The following BCL11A variants were observed in gnomAD, a reference collection of about 807,000 sequenced individuals.
The protein encoded by BCL11A is B cell CLL/lymphoma 11A.
Under a neutral mutation model 55.9 loss-of-function variants are expected in BCL11A, and 2 were observed. The ratio of observed to expected loss-of-function variants is 0.04; its 90% CI spans 0.01 to 0.11. BCL11A has a LOEUF of 0.11. Ranked by LOEUF, BCL11A falls within the 10% of genes least tolerant of loss-of-function variation. BCL11A has a pLI of 1.00. For missense variants in BCL11A, 817 were observed against 1,137.1 expected (o/e 0.72, Z 4.05); for synonymous variants, 465 against 473.4 (o/e 0.98, Z 0.23).
At chr2:60,545,434 C>T (rs45613535) in intron 2 of BCL11A, 84 of 157,254 alleles carry the variant, frequency 5.3e-4, no homozygotes, top group Admixed American at 1.9e-3. Flanking sequence ...GGATCCAAGG[C>T]TAGCCCTGAA....
Position 60,457,328 on chromosome 2 carries a change from A to G in BCL11A, c.*3076T>C. The G allele has an allele frequency of 9.8e-7, 1 of 1,022,904 alleles. No homozygotes were observed. The highest frequency in any genetic ancestry group is 1.2e-6 in the Non-Finnish European group (1 of 851,400). The allele number at this position is 1,022,904 out of a possible 1,614,324, so 63.4% of individuals were successfully genotyped here. A position where few individuals can be genotyped will look rare whatever the true frequency, so the allele number is the denominator to read the frequency against. On this transcript the variant is annotated 3_prime_UTR_variant, in exon 4 of 4. Transcript: ENST00000642384. ...TTAACAAAGACCAGAAACAAATACA[A>G]TAAAAAGCCAGGTTGTAATGACCTT...
downstream of BCL11A, among the ~76,000 whole-genome samples, chr2:60,453,460 G>T (rs1481409336): frequency 2.0e-5 from 3 of 152,198 alleles, no homozygotes; most frequent in African/African-American, 7.2e-5. Flanking sequence ...GGGGCCTGGG[G>T]CCTCCTCTCC....
At chr2:60,520,368 A>C (rs1186676732) in intron 2 of BCL11A, among the ~76,000 whole-genome samples, 2 of 152,212 alleles carry the variant, frequency 1.3e-5, no homozygotes, top group Non-Finnish European at 2.9e-5. Context: ...TTGGATATGT[A>C]AACTGAATTA....
In BCL11A at chr2:60,459,355, T is replaced by C. The variant is rs1418052837; in HGVS notation, c.*1049A>G. ...TGTATTTAATTGCGTTCCAGGGCTT[T>C]TGCACATTACACATTCAATTTAATC... is the stretch of plus-strand genomic sequence containing the variant. On this transcript the variant is annotated 3_prime_UTR_variant, in exon 4 of 4. Coordinates refer to ENST00000642384, the MANE Select transcript of BCL11A (RefSeq NM_022893.4). The C allele has an allele frequency of 2.0e-6, 2 of 1,019,526 alleles. No individual in the cohort carries two copies. The highest frequency in any genetic ancestry group is 3.4e-5 in the African/African-American group (2 of 58,526). The allele number at this position is 1,019,526 out of a possible 1,614,324, so 63.2% of individuals were successfully genotyped here. A position where few individuals can be genotyped will look rare whatever the true frequency, so the allele number is the denominator to read the frequency against.
At chr2:60,531,083 T>C (rs1452227828) in intron 2 of BCL11A, among the ~76,000 whole-genome samples, 1 of 152,064 alleles carries the variant, frequency 6.6e-6, no homozygotes. Flanking sequence ...CACTAACCTC[T>C]TTTCTTTACC....
chr2:60,505,876 C>T (rs572167828), intron 2 of BCL11A, among the ~76,000 whole-genome samples: 3 of 152,292 alleles, frequency 2.0e-5, no homozygotes, highest in Non-Finnish European at 2.9e-5. Flanking sequence ...CCCAAAACAA[C>T]GGTGGGCAGA....
At position 60,460,197 on chromosome 2, in the gene BCL11A, G is replaced by T; in HGVS notation, c.*207C>A. 1 of 1,282,142 alleles carries T rather than the reference G, an allele frequency of 7.8e-7. No homozygotes were observed. The highest frequency in any genetic ancestry group is 9.8e-7 in the Non-Finnish European group (1 of 1,017,284). 79.4% of individuals were successfully genotyped at this position (1,282,142 alleles called of 1,614,324 possible). ...AAAAAAAAAAAGGAAAAAGAAAAAA[G>T]AAAAAGAAAAAGAAAAAAAACAGGT... is the stretch of plus-strand genomic sequence containing the variant. On this transcript the variant is annotated 3_prime_UTR_variant, in exon 4 of 4. Coordinates refer to ENST00000642384, the MANE Select transcript of BCL11A (RefSeq NM_022893.4).
At chr2:60,512,942 T>A (rs1668546058) in intron 2 of BCL11A, among the ~76,000 whole-genome samples, 1 of 152,150 alleles carries the variant, frequency 6.6e-6, no homozygotes, top group Admixed American at 6.5e-5. Context: ...TTTCACCTCT[T>A]AGACGTCTCA....
intron 2 of BCL11A, among the ~76,000 whole-genome samples, chr2:60,516,743 G>C (rs950093151): frequency 6.6e-6 from 1 of 152,240 alleles, no homozygotes; most frequent in Non-Finnish European, 1.5e-5. Flanking sequence ...CTGAGCATGA[G>C]TCATCAATGA....
chr2:60,472,637 A>T (rs1393191276), intron 2 of BCL11A, among the ~76,000 whole-genome samples: 4 of 152,246 alleles, frequency 2.6e-5, no homozygotes, highest in Non-Finnish European at 5.9e-5. Flanking sequence ...TTCTACATAT[A>T]TTGGGTACCA....
At chr2:60,473,282 A>T (rs1303279452) in intron 2 of BCL11A, among the ~76,000 whole-genome samples, 5 of 149,812 alleles carry the variant, frequency 3.3e-5, no homozygotes, top group African/African-American at 1.2e-4. Flanking sequence ...AAAGCAGTAG[A>T]GCTGTCCCAC....
At chr2:60,511,877 C>G (rs745700622) in intron 2 of BCL11A, among the ~76,000 whole-genome samples, 1 of 152,136 alleles carries the variant, frequency 6.6e-6, no homozygotes, top group Non-Finnish European at 1.5e-5. Context: ...TCAAATAAAT[C>G]AGTAAAATGA....
In BCL11A at chr2:60,469,048, G is replaced by A. The variant is rs139432721; in HGVS notation, c.386-215C>T. On this transcript the variant is annotated intron_variant, in intron 2 of 3. Transcript: ENST00000642384. ...TTCAATTTCGGTCTTTTTGACAAAA[G>A]TGAAAGGGTTTGTTTTAGGAAAGGG... 1.5e-4 allele frequency among the ~76,000 whole-genome samples: 23 copies of A among 152,320 alleles called. No homozygotes were observed. In the East Asian group the frequency reaches 4.0e-3, roughly 27 times the overall value.
chr2:60,546,196 T>G lies in BCL11A; in HGVS notation c.160A>C (p.Asn54His), dbSNP rs757259547. Residue 54 changes from asparagine (N) to histidine (H), a missense_variant, in exon 2 of 4, where the codon AAC (asparagine) becomes CAC (histidine). Asn to His is a moderately conservative substitution (Grantham distance 68). Coordinates refer to ENST00000642384, the MANE Select transcript of BCL11A (RefSeq NM_022893.4). The surrounding 1 kb of genome is among the most constrained non-coding windows in gnomAD (Gnocchi z 4.1). ...DLLTCGQCQM[N>H]FPLGDILIFI... ...ATAAGAATGTCCCCCAATGGGAAGT[T>G]CATCTGGCACTGCCCACAGGTGAGG... is the stretch of plus-strand genomic sequence containing the variant. The G allele has an allele frequency of 6.2e-7, 1 of 1,614,230 alleles. No individual in the cohort carries two copies. Among genetic ancestry groups the G allele is most frequent in the Non-Finnish European group, 8.5e-7 (1 of 1,180,034 alleles).
At chr2:60,465,874 A>T (rs997732183) in intron 3 of BCL11A, among the ~76,000 whole-genome samples, 1 of 152,210 alleles carries the variant, frequency 6.6e-6, no homozygotes, top group African/African-American at 2.4e-5. Flanking sequence ...AACGGCTTCC[A>T]GAGGAAGGTC....
At chr2:60,533,910 TC>T (rs1424943188) in intron 2 of BCL11A, 1 of 152,222 alleles carries the variant, frequency 6.6e-6, no homozygotes, top group Non-Finnish European at 1.5e-5. Flanking sequence ...CAGTGCTAGG[TC>T]CCTCGGAGGT....
At chr2:60,492,507 A>G (rs1343188603) in intron 2 of BCL11A, among the ~76,000 whole-genome samples, 1 of 152,194 alleles carries the variant, frequency 6.6e-6, no homozygotes, top group Non-Finnish European at 1.5e-5. Context: ...CTAGGAAAAC[A>G]GATTTCCTCC....
intron 2 of BCL11A, among the ~76,000 whole-genome samples, chr2:60,509,869 C>T (rs1317317922): frequency 6.6e-6 from 1 of 152,148 alleles, no homozygotes; most frequent in Non-Finnish European, 1.5e-5. Context: ...CCCAGACACA[C>T]CCATCCTCTG....
chr2:60,481,015 G>C (rs1677920009), intron 2 of BCL11A, among the ~76,000 whole-genome samples: 1 of 152,190 alleles, frequency 6.6e-6, no homozygotes, highest in African/African-American at 2.4e-5. Context: ...TTACAGGCTG[G>C]CTGGAAGCCC....
Sources: gnomAD v4.1 joint callset for allele counts (sites outside exome capture counted in the v4.1 genomes callset) on GRCh38, gnomAD v4.1.1 for gene constraint, Gnocchi (gnomAD v3.1) non-coding constraint, MANE v1.5 for transcripts, NCBI Gene and HGNC (gene_info 2026-07-23, HGNC 2026-07-21) for gene names.